The following RBM20 variants were observed in gnomAD, a reference collection of about 807,000 sequenced individuals.
RBM20 encodes the protein RNA-binding protein 20.
Under a neutral mutation model 110.1 loss-of-function variants are expected in RBM20, and 51 were observed. The observed-to-expected ratio is 0.46, with a 90% CI of 0.37 to 0.59. The LOEUF (loss-of-function observed/expected upper bound fraction) is 0.59. RBM20 is among the 20% of genes least tolerant of loss of function. The pLI is 0.00. For missense variants in RBM20, 1,512 were observed against 1,574.9 expected, an observed-to-expected ratio of 0.96 and a Z score of 0.68; for synonymous variants, 589 against 618.2, an observed-to-expected ratio of 0.95 and a Z score of 0.70.
chr10:110,829,663 G>C (rs768791300), intron 12 of RBM20, among the ~76,000 whole-genome samples: 6 of 152,138 alleles, frequency 3.9e-5, no homozygotes, highest in Non-Finnish European at 7.4e-5. Context: ...CTTCTGACAG[G>C]GTCTCCTAGG....
intron 13 of RBM20, among the ~76,000 whole-genome samples, chr10:110,832,959 T>G (rs1320143492): frequency 6.6e-6 from 1 of 152,226 alleles, no homozygotes; most frequent in Non-Finnish European, 1.5e-5. Flanking sequence ...GGAAGTCATC[T>G]AGCTTGAAGA....
At chr10:110,761,982 G>A (rs749494686) in intron 1 of RBM20, among the ~76,000 whole-genome samples, 16 of 152,184 alleles carry the variant, frequency 1.1e-4, no homozygotes, top group Non-Finnish European at 1.8e-4. Flanking sequence ...CGAGGCCTGC[G>A]GATCACCTGA....
chr10:110,814,918 A>T (rs902968382), intron 9 of RBM20, among the ~76,000 whole-genome samples: 5 of 152,240 alleles, frequency 3.3e-5, no homozygotes, highest in African/African-American at 1.2e-4. Context: ...TTAAAGAGTA[A>T]AATCATGACT....
At chr10:110,704,282 A>T (rs1317336846) in intron 1 of RBM20, among the ~76,000 whole-genome samples, 1 of 152,196 alleles carries the variant, frequency 6.6e-6, no homozygotes, top group African/African-American at 2.4e-5. Flanking sequence ...CAGTTTGTTT[A>T]ACCATTCACC....
At chr10:110,794,051 G>T (rs1844517881) in intron 5 of RBM20, among the ~76,000 whole-genome samples, 1 of 152,126 alleles carries the variant, frequency 6.6e-6, no homozygotes, top group Non-Finnish European at 1.5e-5. Flanking sequence ...CTGTACTTTT[G>T]ATGTACCACT....
At chr10:110,776,608 C>T (rs1287315693) in intron 1 of RBM20, among the ~76,000 whole-genome samples, 2 of 152,222 alleles carry the variant, frequency 1.3e-5, no homozygotes, top group African/African-American at 4.8e-5. Flanking sequence ...TATCTTCTCG[C>T]TGACTCTGAT....
intron 1 of RBM20, among the ~76,000 whole-genome samples, chr10:110,687,689 C>T (rs970593912): frequency 3.3e-5 from 5 of 152,174 alleles, no homozygotes; most frequent in Non-Finnish European, 7.3e-5. Context: ...GCTGTGTGAC[C>T]TTGGGCAAGT....
At chr10:110,747,300 G>GA (rs1183865843) in intron 1 of RBM20, among the ~76,000 whole-genome samples, 3 of 150,732 alleles carry the variant, frequency 2.0e-5, no homozygotes, top group Non-Finnish European at 4.4e-5. Context: ...TTTTTTTGGG[G>GA]GGGGGGGTCA....
Position 110,820,159 on chromosome 10 carries a change from A to G in RBM20, c.2638A>G (p.Asn880Asp), listed in dbSNP as rs1375100256. 1 of 1,551,018 alleles carries G rather than the reference A, an allele frequency of 6.4e-7. No homozygotes were observed. The highest frequency in any genetic ancestry group is 8.7e-7 in the Non-Finnish European group (1 of 1,146,472). The change falls in exon 10 of 14, where the codon AAC becomes GAC. Residue 880 changes from asparagine to aspartate, a missense_variant. By Grantham distance (23) the Asn-to-Asp change is conservative. Coordinates refer to ENST00000369519, the MANE Select transcript of RBM20 (RefSeq NM_001134363.3). ...EKEAEFSDPENTRTKKEQDWE... is the reference protein window; with the variant it reads ...EKEAEFSDPEDTRTKKEQDWE... ...AGAAGCAGAGTTCTCTGATCCGGAAAACACAAGGACAAAGAAGGTAAAGTT... is the reference window on the plus strand; with the variant it reads ...AGAAGCAGAGTTCTCTGATCCGGAAGACACAAGGACAAAGAAGGTAAAGTT...
chr10:110,801,559 G>A (rs1194896657), intron 7 of RBM20, among the ~76,000 whole-genome samples: 4 of 151,890 alleles, frequency 2.6e-5, no homozygotes, highest in Non-Finnish European at 5.9e-5. Flanking sequence ...TTTTTGAGAC[G>A]GAGTCTTGCT....
intron 1 of RBM20, among the ~76,000 whole-genome samples, chr10:110,774,235 C>T (rs972617323): frequency 6.6e-6 from 1 of 152,098 alleles, no homozygotes; most frequent in Non-Finnish European, 1.5e-5. Flanking sequence ...CATTAACACA[C>T]CAACTGAAAA....
intron 2 of RBM20, 69 bp from the exon 3 acceptor site, chr10:110,783,297 C>G: frequency 8.1e-7 from 1 of 1,235,266 alleles, no homozygotes; most frequent in Non-Finnish European, 1.2e-6. Context: ...ACCAGTGTCT[C>G]TGTGCTCATC....
At chr10:110,683,477 G>A (rs1681965911) in intron 1 of RBM20, among the ~76,000 whole-genome samples, 1 of 152,230 alleles carries the variant, frequency 6.6e-6, no homozygotes, top group African/African-American at 2.4e-5. Context: ...TGCATTTTGA[G>A]AGTGGTTCCA....
At position 110,659,796 on chromosome 10, in the gene RBM20, G is replaced by A. The variant is rs116216910; in HGVS notation, c.191+15151G>A. 3.1e-3 allele frequency among the ~76,000 whole-genome samples: 355 copies of A among 114,786 alleles called. 2 individuals are homozygous for A. Among genetic ancestry groups the A allele is most frequent in the African/African-American group, 0.011 (319 of 30,254 alleles). 75.3% of individuals were successfully genotyped at this position (114,786 alleles called of 152,430 possible). A position where few individuals can be genotyped will look rare whatever the true frequency, so the allele number is the denominator to read the frequency against. On this transcript the variant is annotated intron_variant, in intron 1 of 13. Coordinates refer to ENST00000369519, the MANE Select transcript of RBM20 (RefSeq NM_001134363.3). ...TCCTCTTCCTCCTCCTCTTCCTCCC[G>A]TTCCCCTTCCCCTTCCTCTTCTTCC... is the stretch of plus-strand genomic sequence containing the variant.
At chr10:110,686,850 C>T (rs1388278318) in intron 1 of RBM20, among the ~76,000 whole-genome samples, 1 of 151,730 alleles carries the variant, frequency 6.6e-6, no homozygotes, top group African/African-American at 2.4e-5. Flanking sequence ...ACCAGCCTGA[C>T]CAACACGGTG....
chr10:110,759,711 A>G (rs553600610), intron 1 of RBM20, among the ~76,000 whole-genome samples: 99 of 152,310 alleles, frequency 6.5e-4, no homozygotes, highest in Non-Finnish European at 1.2e-3. Flanking sequence ...GAGGTTGCCA[A>G]TGCTGGCTCA....
chr10:110,775,716 G>C (rs1844252545), intron 1 of RBM20, among the ~76,000 whole-genome samples: 1 of 152,194 alleles, frequency 6.6e-6, no homozygotes, highest in African/African-American at 2.4e-5. Context: ...GGAAACTGGA[G>C]GGTGACCAGG....
intron 1 of RBM20, among the ~76,000 whole-genome samples, chr10:110,697,571 G>A (rs1862684567): frequency 6.6e-6 from 1 of 152,252 alleles, no homozygotes; most frequent in Non-Finnish European, 1.5e-5. Context: ...CAGGCAGCCA[G>A]AAATGTGGCA....
At chr10:110,827,243 T>C (rs555652348) in intron 12 of RBM20, among the ~76,000 whole-genome samples, 2 of 150,836 alleles carry the variant, frequency 1.3e-5, no homozygotes, top group Non-Finnish European at 3.0e-5. Context: ...TAGCCAGGAG[T>C]TGTGGTGTAA....
Sources: allele counts gnomAD v4.1 joint callset (sites outside exome capture counted in the v4.1 genomes callset), GRCh38; gene constraint gnomAD v4.1.1; transcripts MANE v1.5; gene names NCBI Gene and HGNC (gene_info 2026-07-23, HGNC 2026-07-21).